ELMO1: variants seen among roughly 807,000 people sequenced by gnomAD.
The protein encoded by ELMO1 is engulfment and cell motility protein 1.
ELMO1 carries 26 observed loss-of-function variants against 98.9 expected under a neutral mutation model. The ratio of observed to expected loss-of-function variants is 0.26; its 90% confidence interval spans 0.19 to 0.36. The LOEUF is 0.36. ELMO1 is among the 10% of genes least tolerant of loss of function. ELMO1 has a pLI of 1.00. For synonymous variants in ELMO1, 346 were observed against 346.0 expected, an observed-to-expected ratio of 1.00 and a Z score of 0.00; for missense variants, 627 against 935.2, an observed-to-expected ratio of 0.67 and a Z score of 4.30.
chr7:37,109,253 T>C (rs73335566), intron 14 of ELMO1, among the ~76,000 whole-genome samples: 10,312 of 152,320 alleles, frequency 0.068, 593 homozygotes, highest in African/African-American at 0.14. Flanking sequence ...TTCAAAGGCT[T>C]GTTTAGGAAA....
chr7:37,054,429 A>C (rs1796285766), intron 15 of ELMO1, among the ~76,000 whole-genome samples: 2 of 152,154 alleles, frequency 1.3e-5, no homozygotes, highest in Admixed American at 1.3e-4. Flanking sequence ...GAAGAATGGG[A>C]GATTGGTTAT....
chr7:37,115,556 A>AT (rs1440247470), intron 14 of ELMO1, among the ~76,000 whole-genome samples: 2 of 150,886 alleles, frequency 1.3e-5, no homozygotes, highest in African/African-American at 4.9e-5. Context: ...CTCATTCATG[A>AT]TAAAAAAAAA....
intron 2 of ELMO1, among the ~76,000 whole-genome samples, chr7:37,318,546 A>G (rs1464919311): frequency 6.6e-6 from 1 of 152,236 alleles, no homozygotes; most frequent in East Asian, 1.9e-4. Flanking sequence ...AAGTTTTAAA[A>G]GACAGAGGTC....
chr7:37,419,044 GA>G (rs943795194), intron 1 of ELMO1, among the ~76,000 whole-genome samples: 3 of 152,070 alleles, frequency 2.0e-5, no homozygotes, highest in African/African-American at 7.3e-5. Flanking sequence ...TACCCCCCAG[GA>G]CTGAGCCCGC....
chr7:37,407,958 T>C (rs1428526958), intron 1 of ELMO1, among the ~76,000 whole-genome samples: 10 of 152,066 alleles, frequency 6.6e-5, no homozygotes, highest in Non-Finnish European at 1.2e-4. Context: ...AAATTTCTCT[T>C]AGAAAAAAAT....
intron 1 of ELMO1, among the ~76,000 whole-genome samples, chr7:37,445,122 C>T (rs1805558267): frequency 1.3e-5 from 2 of 152,230 alleles, no homozygotes; most frequent in African/African-American, 4.8e-5. Context: ...TTCTCTTTCA[C>T]ATTTTAAACT....
intron 1 of ELMO1, among the ~76,000 whole-genome samples, chr7:37,416,258 C>T (rs927058700): frequency 5.3e-5 from 8 of 152,146 alleles, no homozygotes; most frequent in Admixed American, 1.3e-4. Context: ...TTCACAAAGA[C>T]GAAGCAGGGA....
At chr7:36,862,780 A>G (rs1021388518) in intron 20 of ELMO1, among the ~76,000 whole-genome samples, 24 of 152,168 alleles carry the variant, frequency 1.6e-4, no homozygotes, top group Non-Finnish European at 2.9e-4. Flanking sequence ...CCCTCCTGTG[A>G]TCTGTGAGCC....
At chr7:37,377,689 C>G (rs1802410252) in intron 1 of ELMO1, among the ~76,000 whole-genome samples, 1 of 152,100 alleles carries the variant, frequency 6.6e-6, no homozygotes, top group Non-Finnish European at 1.5e-5. Flanking sequence ...GGATTAACAG[C>G]CCACCAAAGT....
At chr7:37,428,435 G>T (rs1421978128) in intron 1 of ELMO1, among the ~76,000 whole-genome samples, 3 of 152,198 alleles carry the variant, frequency 2.0e-5, no homozygotes, top group Non-Finnish European at 4.4e-5. Context: ...TCCAGACAGG[G>T]ATTGGGCAGA....
intron 8 of ELMO1, among the ~76,000 whole-genome samples, chr7:37,230,538 T>C (rs923537701): frequency 6.6e-6 from 1 of 152,196 alleles, no homozygotes; most frequent in African/African-American, 2.4e-5. Flanking sequence ...CCCTGCCTCC[T>C]AACCAGAAAT....
intron 15 of ELMO1, among the ~76,000 whole-genome samples, chr7:37,021,710 T>C (rs1231633081): frequency 6.6e-6 from 1 of 152,194 alleles, no homozygotes; most frequent in African/African-American, 2.4e-5. Flanking sequence ...CAATGGTTTC[T>C]ATCTTATCAG....
chr7:37,313,131 C>A (rs182388703), intron 4 of ELMO1, among the ~76,000 whole-genome samples: 56 of 152,238 alleles, frequency 3.7e-4, no homozygotes, highest in African/African-American at 1.1e-3. Flanking sequence ...AAAATAGAGA[C>A]AGGAAACTAA....
chr7:37,064,944 T>C (rs1167859677), intron 15 of ELMO1, among the ~76,000 whole-genome samples: 3 of 152,160 alleles, frequency 2.0e-5, no homozygotes, highest in Admixed American at 6.5e-5. Flanking sequence ...ATTCCCACCA[T>C]AGCCAATTCT....
intron 14 of ELMO1, among the ~76,000 whole-genome samples, chr7:37,124,624 C>T (rs1307923874): frequency 6.6e-6 from 1 of 151,982 alleles, no homozygotes; most frequent in Non-Finnish European, 1.5e-5. Context: ...CACTGCTCAA[C>T]AAAATAAAAG....
At chr7:37,056,330 C>T (rs1796390321) in intron 15 of ELMO1, among the ~76,000 whole-genome samples, 1 of 152,176 alleles carries the variant, frequency 6.6e-6, no homozygotes, top group Non-Finnish European at 1.5e-5. Flanking sequence ...TTTCACATGT[C>T]AGTTCACAAC....
At chr7:37,421,588 G>A (rs1282034356) in intron 1 of ELMO1, among the ~76,000 whole-genome samples, 5 of 152,162 alleles carry the variant, frequency 3.3e-5, no homozygotes, top group Non-Finnish European at 7.3e-5. Context: ...GGAGATTCTC[G>A]AATATAATCA....
chr7:37,406,271 T>TTG (rs1359392461), intron 1 of ELMO1, among the ~76,000 whole-genome samples: 1 of 151,624 alleles, frequency 6.6e-6, no homozygotes, highest in Non-Finnish European at 1.5e-5. Context: ...TCTTTTGTTT[T>TTG]TTTTTTTTCT....
intron 13 of ELMO1, among the ~76,000 whole-genome samples, chr7:37,199,424 C>T (rs1011252924): frequency 1.3e-5 from 2 of 152,120 alleles, no homozygotes; most frequent in African/African-American, 4.8e-5. Context: ...GATGCCACTG[C>T]ACTCCAGCCT....
Sources: gnomAD v4.1 joint callset for allele counts (sites outside exome capture counted in the v4.1 genomes callset) on GRCh38, gnomAD v4.1.1 for gene constraint, MANE v1.5 for transcripts, NCBI Gene and HGNC (gene_info 2026-07-23, HGNC 2026-07-21) for gene names.